Variants in WDPCP observed in about 807,000 individuals in gnomAD.
WDPCP encodes the protein WD repeat containing planar cell polarity effector, also known as WD repeat-containing and planar cell polarity effector protein fritz homolog.
Under a neutral mutation model 93.1 loss-of-function variants are expected in WDPCP, and 71 were observed. The observed-to-expected ratio is 0.76, with a 90% confidence interval of 0.63 to 0.93. The LOEUF is 0.93. WDPCP is among the 40% of genes least tolerant of loss of function. The pLI is 0.00. For synonymous variants in WDPCP, 315 were observed against 315.0 expected (o/e 1.00, Z 0.00); for missense variants, 844 against 887.4 (o/e 0.95, Z 0.62).
chr2:63,430,341 T>A (rs1575406764), intron 9 of WDPCP, among the ~76,000 whole-genome samples: 1 of 152,108 alleles, frequency 6.6e-6, no homozygotes, highest in African/African-American at 2.4e-5. Flanking sequence ...ATACCTTTGT[T>A]AACAAGCCTG....
At chr2:63,714,922 A>C (rs13384707) in intron 2 of WDPCP, among the ~76,000 whole-genome samples, 115,034 of 152,226 alleles carry the variant, frequency 0.76, 44,527 homozygotes, top group African/African-American at 0.82. Flanking sequence ...CCCAGGTGTC[A>C]ATCCATAGAT....
In WDPCP at chr2:63,821,253, G is replaced by C. The variant is rs140124130; in HGVS notation, n.222+6369C>G. On this transcript the variant is annotated intron_variant and non_coding_transcript_variant, in intron 1 of 4. Transcript: ENST00000467687. The stretch of plus-strand genomic sequence containing the variant: ...GACTCTGCCAGGGAGTCTGAACTTG[G>C]AGGTGTCATTAAGAAGGTGAACTCT... Among the ~76,000 whole-genome samples, 243 of 152,296 alleles carry C rather than the reference G, an allele frequency of 1.6e-3. 5 individuals are homozygous for C. Among genetic ancestry groups the C allele is most frequent in the Middle Eastern group, 0.01 (3 of 294 alleles).
At chr2:63,666,255 C>T (rs185215957) in intron 2 of WDPCP, among the ~76,000 whole-genome samples, 9 of 152,300 alleles carry the variant, frequency 5.9e-5, no homozygotes, top group Non-Finnish European at 1.2e-4. Flanking sequence ...CCTGGAGATA[C>T]TCTTCTGAAA....
At chr2:63,145,998 G>C (rs62180314) in intron 17 of WDPCP, among the ~76,000 whole-genome samples, 21,364 of 152,056 alleles carry the variant, frequency 0.14, 1,949 homozygotes, top group Middle Eastern at 0.21. Context: ...TCCTGATTTG[G>C]CTCTTGGCTT....
At chr2:63,730,660 AT>A (rs1309354577) in intron 2 of WDPCP, among the ~76,000 whole-genome samples, 5 of 152,064 alleles carry the variant, frequency 3.3e-5, no homozygotes, top group Non-Finnish European at 7.4e-5. Flanking sequence ...TCTTTATGGC[AT>A]CCCCAGGAGA....
chr2:63,742,079 C>G (rs1007957113), intron 2 of WDPCP, among the ~76,000 whole-genome samples: 1 of 152,074 alleles, frequency 6.6e-6, no homozygotes, highest in Non-Finnish European at 1.5e-5. Flanking sequence ...AGTCTGATGT[C>G]TATCTCTTGG....
chr2:63,152,760 G>T (rs941998686), intron 17 of WDPCP, among the ~76,000 whole-genome samples, 154 bp downstream of exon 17: 3 of 152,166 alleles, frequency 2.0e-5, no homozygotes, highest in Non-Finnish European at 2.9e-5. Context: ...TTTAGAAGCT[G>T]TTAGTGTAGT....
chr2:63,146,412 T>G (rs1396283413), intron 17 of WDPCP, among the ~76,000 whole-genome samples: 2 of 151,436 alleles, frequency 1.3e-5, no homozygotes, highest in South Asian at 2.1e-4. Context: ...GCGTGTTTTT[T>G]TTTTTTTTTT....
intron 3 of WDPCP, chr2:63,597,194 A>C: frequency 2.5e-6 from 2 of 812,720 alleles, no homozygotes; most frequent in Non-Finnish European, 3.0e-6. Flanking sequence ...TTGAAACAGG[A>C]AAAGCAAAAT....
intron 14 of WDPCP, among the ~76,000 whole-genome samples, chr2:63,230,385 A>G (rs1302247956): frequency 6.6e-6 from 1 of 152,172 alleles, no homozygotes; most frequent in South Asian, 2.1e-4. Flanking sequence ...GAATAGTGCC[A>G]CAATAAACAT....
At chr2:63,688,212 G>A (rs554384450) in intron 2 of WDPCP, among the ~76,000 whole-genome samples, 10 of 152,276 alleles carry the variant, frequency 6.6e-5, no homozygotes, top group Non-Finnish European at 1.2e-4. Flanking sequence ...AGATCACGAG[G>A]TCAGGAGATC....
intron 2 of WDPCP, among the ~76,000 whole-genome samples, chr2:63,800,691 C>T (rs975651717): frequency 1.3e-5 from 2 of 152,142 alleles, no homozygotes; most frequent in Non-Finnish European, 2.9e-5. Flanking sequence ...ATAGGTAACA[C>T]TAAGTGCTTC....
chr2:63,378,636 T>C (rs1173375709), intron 11 of WDPCP, 127 bp from the exon 12 acceptor site: 2 of 1,330,948 alleles, frequency 1.5e-6, no homozygotes, highest in Non-Finnish European at 2.1e-6. Context: ...GCAGGAAAGA[T>C]AAAATTAAAA....
intron 17 of WDPCP, among the ~76,000 whole-genome samples, chr2:63,133,611 C>T (rs1670434241): frequency 6.6e-6 from 1 of 152,154 alleles, no homozygotes; most frequent in South Asian, 2.1e-4. Flanking sequence ...GTTTTATAAG[C>T]GTCTGGCATT....
At chr2:63,444,865 C>G (rs539165586) in intron 6 of WDPCP, among the ~76,000 whole-genome samples, 1 of 152,316 alleles carries the variant, frequency 6.6e-6, no homozygotes, top group Admixed American at 6.5e-5. Context: ...CCTGCTCTGA[C>G]CATGTCTCTT....
intron 15 of WDPCP, among the ~76,000 whole-genome samples, chr2:63,167,713 T>G (rs1236640297): frequency 6.6e-6 from 1 of 152,226 alleles, no homozygotes; most frequent in Non-Finnish European, 1.5e-5. Flanking sequence ...AAAACTTATT[T>G]TCTTTTATCA....
chr2:63,616,173 G>A (rs575763681), intron 3 of WDPCP, among the ~76,000 whole-genome samples: 4 of 152,294 alleles, frequency 2.6e-5, no homozygotes, highest in South Asian at 4.1e-4. Flanking sequence ...ACAGAGGTGA[G>A]AATCTACTTA....
chr2:63,304,849 C>T (rs965429087), intron 13 of WDPCP, among the ~76,000 whole-genome samples: 1 of 152,168 alleles, frequency 6.6e-6, no homozygotes, highest in Admixed American at 6.5e-5. Flanking sequence ...GATCTACTAG[C>T]TTGAAATTCT....
At chr2:63,268,451 G>T (rs1682343985) in intron 13 of WDPCP, among the ~76,000 whole-genome samples, 2 of 152,030 alleles carry the variant, frequency 1.3e-5, no homozygotes, top group South Asian at 4.2e-4. Flanking sequence ...TTTCAAAATA[G>T]ATTTTTATTT....
Sources: allele counts gnomAD v4.1 joint callset (sites outside exome capture counted in the v4.1 genomes callset), GRCh38; gene constraint gnomAD v4.1.1; transcripts MANE v1.5; gene names NCBI Gene and HGNC (gene_info 2026-07-23, HGNC 2026-07-21).